Variants in UTS2 observed in about 807,000 individuals in gnomAD.
The protein encoded by UTS2 is urotensin 2.
In UTS2, 10 loss-of-function variants were observed where a neutral mutation model predicts 12.6. The observed-to-expected ratio is 0.80, with a 90% CI of 0.49 to 1.35. UTS2 has a LOEUF of 1.35. UTS2 is among the 40% of genes most tolerant of loss of function. The pLI, the probability that UTS2 is intolerant of heterozygous loss-of-function variation, is 0.00. For synonymous variants in UTS2, 52 were observed against 50.0 expected, an observed-to-expected ratio of 1.04 and a Z score of -0.17; for missense variants, 142 against 143.2, an observed-to-expected ratio of 0.99 and a Z score of 0.04.
chr1:7,854,746 G>A (rs1638271881), upstream of UTS2, among the ~76,000 whole-genome samples: 1 of 152,006 alleles, frequency 6.6e-6, no homozygotes, highest in African/African-American at 2.4e-5. Context: ...AATCGATTTT[G>A]TGTTCTCATC....
the UTS2 span, among the ~76,000 whole-genome samples, chr1:7,898,502 G>C: frequency 6.6e-6 from 1 of 151,824 alleles, no homozygotes; most frequent in Non-Finnish European, 1.5e-5. Flanking sequence ...TTGAGACGGA[G>C]TCTCACTCTG....
chr1:7,886,071 C>T, the UTS2 span, among the ~76,000 whole-genome samples: 2 of 152,260 alleles, frequency 1.3e-5, no homozygotes, highest in Non-Finnish European at 2.9e-5. Flanking sequence ...ATCCCAGGTA[C>T]CCAGGTGTAA....
the UTS2 span, among the ~76,000 whole-genome samples, chr1:7,896,730 C>G: frequency 6.6e-6 from 1 of 151,384 alleles, no homozygotes; most frequent in Non-Finnish European, 1.5e-5. Flanking sequence ...GAGTCCCGCT[C>G]TGTCTCCCAG....
upstream of UTS2, chr1:7,853,177 T>G: frequency 6.6e-7 from 1 of 1,511,232 alleles, no homozygotes; most frequent in Non-Finnish European, 8.9e-7. Flanking sequence ...AGGCAATCAC[T>G]TTGCATTGAT....
At chr1:7,896,421 A>G in the UTS2 span, among the ~76,000 whole-genome samples, 1 of 152,292 alleles carries the variant, frequency 6.6e-6, no homozygotes, top group South Asian at 2.1e-4. Context: ...TAATCTTATA[A>G]TATTGAAGTA....
upstream of UTS2, among the ~76,000 whole-genome samples, chr1:7,854,551 C>T (rs1166992246): frequency 7.2e-6 from 1 of 139,244 alleles, no homozygotes; most frequent in Non-Finnish European, 1.5e-5. Flanking sequence ...GTGGTTACAA[C>T]GTAATGATAG....
chr1:7,892,611 G>T, the UTS2 span, among the ~76,000 whole-genome samples: 1 of 151,418 alleles, frequency 6.6e-6, no homozygotes, highest in South Asian at 2.1e-4. Flanking sequence ...CTGAGTAGCT[G>T]GGATTACGGG....
At chr1:7,857,230 ACCTCTGC>A (rs931080996), upstream of UTS2, among the ~76,000 whole-genome samples, 25 of 151,584 alleles carry the variant, frequency 1.6e-4, no homozygotes, top group African/African-American at 6.1e-4. Flanking sequence ...TGGCCTTCTG[ACCTCTGC>A]CCTCTGCCCT....
the UTS2 span, among the ~76,000 whole-genome samples, chr1:7,891,115 T>G: frequency 6.6e-6 from 1 of 152,088 alleles, no homozygotes; most frequent in African/African-American, 2.4e-5. Context: ...TCCAGATCAT[T>G]ATGATGAGTG....
the UTS2 span, among the ~76,000 whole-genome samples, chr1:7,879,804 T>A: frequency 6.6e-6 from 1 of 152,170 alleles, no homozygotes; most frequent in Non-Finnish European, 1.5e-5. Context: ...TATCAAAATT[T>A]ATGGGATACA....
chr1:7,880,913 A>G, the UTS2 span, among the ~76,000 whole-genome samples: 1 of 152,216 alleles, frequency 6.6e-6, no homozygotes, highest in African/African-American at 2.4e-5. Context: ...AATACTAGCA[A>G]ACTCAATCCA....
upstream of UTS2, among the ~76,000 whole-genome samples, chr1:7,855,461 G>A (rs837095): frequency 0.1 from 15,131 of 152,044 alleles, 1,007 homozygotes; most frequent in African/African-American, 0.18. Flanking sequence ...GCGGGCCCCT[G>A]TAGTCACAGC....
At chr1:7,903,130 C>CCTTTTTT in the UTS2 span, among the ~76,000 whole-genome samples, 57 of 33,534 alleles carry the variant, frequency 1.7e-3, no homozygotes, top group East Asian at 3.2e-3. Flanking sequence ...TCCCCTCCTT[C>CCTTTTTT]TCCTGCTTCC....
chr1:7,898,482 T>G, the UTS2 span, among the ~76,000 whole-genome samples: 6 of 150,880 alleles, frequency 4.0e-5, no homozygotes, highest in African/African-American at 1.2e-4. Context: ...TTTTGTTTTT[T>G]GTTTTTTTTT....
At chr1:7,857,475 TAA>T (rs34590533), upstream of UTS2, among the ~76,000 whole-genome samples, 34,654 of 149,914 alleles carry the variant, frequency 0.23, 4,591 homozygotes, top group Middle Eastern at 0.38. Context: ...ACTACTATGT[TAA>T]AAAAAAAAAA....
the UTS2 span, among the ~76,000 whole-genome samples, chr1:7,866,751 T>C: frequency 1.3e-5 from 2 of 152,144 alleles, no homozygotes; most frequent in African/African-American, 4.8e-5. The surrounding 1 kb of genome is among the most constrained non-coding windows in gnomAD (Gnocchi z 4.5). Flanking sequence ...GGTGCCACAC[T>C]AGGGCTGTGA....
the UTS2 span, among the ~76,000 whole-genome samples, chr1:7,912,584 G>T: frequency 1.3e-5 from 2 of 152,162 alleles, no homozygotes; most frequent in Non-Finnish European, 1.5e-5. Flanking sequence ...CTCCTGAGTA[G>T]TTGGGACTAC....
chr1:7,896,353 A>T, the UTS2 span, among the ~76,000 whole-genome samples: 2 of 152,122 alleles, frequency 1.3e-5, no homozygotes, highest in Non-Finnish European at 2.9e-5. Flanking sequence ...ATCAAATTAA[A>T]CCTAAACCCA....
At chr1:7,905,270 C>T in the UTS2 span, among the ~76,000 whole-genome samples, 7 of 151,368 alleles carry the variant, frequency 4.6e-5, no homozygotes, top group East Asian at 2.0e-4. Flanking sequence ...CAGCCTCCTG[C>T]GAGTAGCTGG....
Sources: allele counts gnomAD v4.1 joint callset (sites outside exome capture counted in the v4.1 genomes callset), GRCh38; gene constraint gnomAD v4.1.1; non-coding constraint Gnocchi (gnomAD v3.1); transcripts MANE v1.5; gene names NCBI Gene and HGNC (gene_info 2026-07-23, HGNC 2026-07-21).